NFIB: variants seen among roughly 807,000 people sequenced by gnomAD.
The protein encoded by NFIB is nuclear factor I B.
In NFIB, 11 loss-of-function variants were observed where a neutral mutation model predicts 61.5. That is an observed-to-expected ratio of 0.18 (90% CI 0.11 to 0.30). The LOEUF (loss-of-function observed/expected upper bound fraction) is 0.30. Among genes scored for constraint, NFIB ranks in the 10% least tolerant of loss-of-function variants. NFIB has a pLI of 1.00. For missense variants in NFIB, 471 were observed against 608.9 expected (o/e 0.77, Z 2.38); for synonymous variants, 260 against 216.5 (o/e 1.20, Z -1.76).
At chr9:14,210,266 G>A (rs868560329) in intron 2 of NFIB, among the ~76,000 whole-genome samples, 6 of 150,100 alleles carry the variant, frequency 4.0e-5, no homozygotes, top group East Asian at 3.9e-4. Flanking sequence ...CAAGTTGTAC[G>A]TGTAAAGTAG....
chr9:14,454,787 C>A, the NFIB span, among the ~76,000 whole-genome samples: 1 of 152,178 alleles, frequency 6.6e-6, no homozygotes, highest in Non-Finnish European at 1.5e-5. Context: ...TAGTCACATG[C>A]CTTGCTTTGA....
intron 1 of NFIB, among the ~76,000 whole-genome samples, chr9:14,308,325 A>AACACACATACACACACACACACACAC (rs1563997010): frequency 6.6e-6 from 1 of 150,838 alleles, no homozygotes; most frequent in South Asian, 2.1e-4. Flanking sequence ...GCCAGCTCCC[A>AACACACATACACACACACACACACAC]ACACACACAC....
intron 10 of NFIB, among the ~76,000 whole-genome samples, chr9:14,111,338 T>C (rs1253753197): frequency 1.3e-5 from 2 of 152,254 alleles, no homozygotes; most frequent in East Asian, 1.9e-4. Flanking sequence ...AAAGCTGCCA[T>C]AGGTTAGGGT....
chr9:14,114,173 C>T (rs1426047560), intron 9 of NFIB, among the ~76,000 whole-genome samples: 2 of 152,092 alleles, frequency 1.3e-5, no homozygotes, highest in Admixed American at 6.5e-5. Flanking sequence ...TCCATGGAAG[C>T]TTTTTTAGGT....
chr9:14,451,503 T>C, the NFIB span, among the ~76,000 whole-genome samples: 3 of 152,176 alleles, frequency 2.0e-5, no homozygotes, highest in Non-Finnish European at 4.4e-5. Flanking sequence ...GTTTAAAGTA[T>C]GTATCTGTAA....
the NFIB span, among the ~76,000 whole-genome samples, chr9:14,453,542 A>G: frequency 3.4e-4 from 52 of 152,368 alleles, no homozygotes; most frequent in African/African-American, 1.2e-3. Context: ...AGACAGAATT[A>G]CAAAGCCTCT....
At chr9:14,203,310 C>A (rs2049265989) in intron 2 of NFIB, among the ~76,000 whole-genome samples, 1 of 152,182 alleles carries the variant, frequency 6.6e-6, no homozygotes, top group African/African-American at 2.4e-5. Flanking sequence ...AAAAGCCCCT[C>A]AAATCTGTGT....
intron 2 of NFIB, among the ~76,000 whole-genome samples, chr9:14,250,428 A>T (rs1306277495): frequency 6.6e-6 from 1 of 152,230 alleles, no homozygotes; most frequent in African/African-American, 2.4e-5. Context: ...GCCTTAGCTC[A>T]AAAGGAAGAC....
At chr9:14,326,530 C>T (rs991240203) in intron 1 of NFIB, among the ~76,000 whole-genome samples, 2 of 152,152 alleles carry the variant, frequency 1.3e-5, no homozygotes, top group African/African-American at 4.8e-5. Context: ...CATAATAAAT[C>T]TCAAGTGGTT....
At chr9:14,252,794 G>GA (rs57261307) in intron 2 of NFIB, among the ~76,000 whole-genome samples, 36,266 of 151,014 alleles carry the variant, frequency 0.24, 5,482 homozygotes, top group African/African-American at 0.43. Context: ...CTTTGTGGAG[G>GA]AAAAAAAAAT....
At chr9:14,330,000 G>T (rs1176041479) in intron 1 of NFIB, among the ~76,000 whole-genome samples, 1 of 151,902 alleles carries the variant, frequency 6.6e-6, no homozygotes, top group African/African-American at 2.4e-5. Context: ...GGTGGCACAG[G>T]CCTGTAGTCT....
In NFIB at chr9:14,365,167, T is replaced by C. The variant is rs543496113; in HGVS notation, c.108+33357A>G. Among the ~76,000 whole-genome samples the C allele has an allele frequency of 1.4e-3, 212 of 152,342 alleles. 1 individual carries two copies. The highest frequency in any genetic ancestry group is 2.3e-3 in the Non-Finnish European group (158 of 68,042). ...TAAATGTTGGCTATTTTATCTAAGA[T>C]TTTGCTCTGAAACAGAATTCTGCTG... On this transcript the variant is annotated intron_variant, in intron 1 of 8. Transcript: ENST00000380934.
At chr9:14,520,428 C>T in the NFIB span, among the ~76,000 whole-genome samples, 6,848 of 152,290 alleles carry the variant, frequency 0.045, 469 homozygotes, top group African/African-American at 0.15. Context: ...TGCACCCAAC[C>T]TGTCCTTCTT....
intron 2 of NFIB, among the ~76,000 whole-genome samples, chr9:14,194,120 A>T (rs955740681): frequency 6.6e-6 from 1 of 152,244 alleles, no homozygotes; most frequent in Non-Finnish European, 1.5e-5. Context: ...ATTTTAGTCA[A>T]TCTATGCCAC....
At chr9:14,289,141 CAT>C (rs1331012590) in intron 2 of NFIB, among the ~76,000 whole-genome samples, 22 of 136,788 alleles carry the variant, frequency 1.6e-4, no homozygotes, top group Admixed American at 5.1e-4. Flanking sequence ...TATATATATA[CAT>C]ATATATATAT....
At chr9:14,459,644 C>G in the NFIB span, among the ~76,000 whole-genome samples, 2 of 152,056 alleles carry the variant, frequency 1.3e-5, no homozygotes, top group African/African-American at 4.8e-5. Flanking sequence ...TATCCAGAAT[C>G]TACAATGAAC....
chr9:14,209,193 T>C (rs149386465), intron 2 of NFIB, among the ~76,000 whole-genome samples: 7 of 152,378 alleles, frequency 4.6e-5, no homozygotes, highest in East Asian at 1.9e-4. Context: ...TAATTCATTT[T>C]TATGACATGC....
Position 14,313,076 on chromosome 9 carries a change from AG to A in NFIB, c.30+405del, listed in dbSNP as rs2060360647. ...GTTCACTGGCTGTTTTTAAAAGCTT[AG>A]TCCCCCGTAAAGTCCTCCAAAGCCC... On this transcript the variant is annotated intron_variant, in intron 1 of 10. Coordinates refer to ENST00000380953, the MANE Select transcript of NFIB (RefSeq NM_001190737.2). The surrounding 1 kb of genome is among the most constrained non-coding windows in gnomAD (Gnocchi z 4.5). Among the ~76,000 whole-genome samples, 2 of 152,178 alleles carry A rather than the reference AG, an allele frequency of 1.3e-5. No individual in the cohort carries two copies. Among genetic ancestry groups the A allele is most frequent in the South Asian group, 4.1e-4 (2 of 4,830 alleles).
At chr9:14,306,088 A>C (rs72700519) in intron 2 of NFIB, 12,543 of 580,578 alleles carry the variant, frequency 0.022, 177 homozygotes, top group Non-Finnish European at 0.028. Context: ...ATTCAGTAAT[A>C]ACATCATCTT....
Sources: gnomAD v4.1 joint callset for allele counts (sites outside exome capture counted in the v4.1 genomes callset) on GRCh38, gnomAD v4.1.1 for gene constraint, Gnocchi (gnomAD v3.1) non-coding constraint, MANE v1.5 for transcripts, NCBI Gene and HGNC (gene_info 2026-07-23, HGNC 2026-07-21) for gene names.